DST: variants seen among roughly 807,000 people sequenced by gnomAD.
The protein encoded by DST is bullous pemphigoid antigen.
In DST, 253 loss-of-function variants were observed where a neutral mutation model predicts 875.2. That is an observed-to-expected ratio of 0.29 (90% CI 0.26 to 0.32). The LOEUF (loss-of-function observed/expected upper bound fraction) is 0.32. Ranked by LOEUF, DST falls within the 10% of genes least tolerant of loss-of-function variation. The pLI, the probability that DST is intolerant of heterozygous loss-of-function variation, is 1.00. For missense variants in DST, 8,287 were observed against 9,111.6 expected (o/e 0.91, Z 3.68); for synonymous variants, 3,124 against 3,197.1 (o/e 0.98, Z 0.77).
intron 3 of DST, among the ~76,000 whole-genome samples, chr6:56,889,227 A>T (rs1267969104): frequency 6.6e-6 from 1 of 152,222 alleles, no homozygotes; most frequent in African/African-American, 2.4e-5. Context: ...AATAATTCTC[A>T]CATCTTCCAT....
chr6:56,671,378 G>A (rs559802439), intron 9 of DST, among the ~76,000 whole-genome samples: 38 of 152,284 alleles, frequency 2.5e-4, no homozygotes, highest in Middle Eastern at 3.4e-3. Flanking sequence ...CAGGTATTCT[G>A]TGTAAAGAAC....
chr6:56,521,165 T>C (rs560886126), intron 69 of DST, among the ~76,000 whole-genome samples: 5 of 152,084 alleles, frequency 3.3e-5, no homozygotes, highest in Non-Finnish European at 7.4e-5. Flanking sequence ...AAGTGAAAGT[T>C]AGTCTTCTGT....
At chr6:56,589,662 C>T (rs535076365) in intron 49 of DST, among the ~76,000 whole-genome samples, 56 of 152,330 alleles carry the variant, frequency 3.7e-4, no homozygotes, top group South Asian at 1.0e-3. Context: ...GGCCTTGAGA[C>T]TGGTCCCAAA....
intron 2 of DST, among the ~76,000 whole-genome samples, chr6:56,950,985 T>C (rs1041243191): frequency 6.6e-6 from 1 of 152,148 alleles, no homozygotes; most frequent in Non-Finnish European, 1.5e-5. Flanking sequence ...GCTCCTCAGA[T>C]GAGGAAGGTG....
intron 4 of DST, among the ~76,000 whole-genome samples, chr6:56,822,014 G>T (rs1486972043): frequency 6.6e-6 from 1 of 152,148 alleles, no homozygotes; most frequent in Non-Finnish European, 1.5e-5. Context: ...GTATATTAAA[G>T]ACTTTGCGGA....
chr6:56,482,162 G>A lies in DST; in HGVS notation c.21419C>T (p.Ser7140Leu), dbSNP rs370202418. ...AALRQAEEFH[S>L]VVHALLEWLA... is the part of the protein sequence containing the mutation. The stretch of plus-strand genomic sequence containing the variant: ...CCACTCCAAGAGGGCATGTACCACC[G>A]AGTGGAATTCCTCTGCCTAAGAGTT... Residue 7140 changes from serine (S) to leucine (L), a missense_variant, in exon 90 of 104, where the codon TCG becomes TTG. Around this residue, in one of 10 missense-constraint regions of DST, gnomAD observed 1,292 missense variants for 1,552.7 expected, o/e 0.83. Transcript: ENST00000680361. 16 of 1,602,818 alleles carry A rather than the reference G, an allele frequency of 1.0e-5. No homozygotes were observed. Among genetic ancestry groups the A allele is most frequent in the African/African-American group, 8.1e-5 (6 of 74,440 alleles).
intron 49 of DST, among the ~76,000 whole-genome samples, chr6:56,585,981 C>G (rs1245859678): frequency 1.4e-5 from 1 of 69,032 alleles, no homozygotes; most frequent in Non-Finnish European, 4.0e-5. Context: ...AATTTCTGTT[C>G]TTTTACATTT....
chr6:56,954,379 C>A (rs371602025), intron 1 of DST, 28 bp downstream of exon 1: 1 of 1,353,208 alleles, frequency 7.4e-7, no homozygotes, highest in African/African-American at 1.5e-5. Flanking sequence ...CCTGGTAGCC[C>A]GCAGAAACCC....
chr6:56,745,737 C>T (rs2099570373), intron 4 of DST, among the ~76,000 whole-genome samples: 1 of 152,038 alleles, frequency 6.6e-6, no homozygotes, highest in Admixed American at 6.6e-5. Context: ...AGTAATAACT[C>T]CTATTAATTA....
chr6:56,629,333 C>T lies in DST; in HGVS notation c.4392G>A (p.Arg1464=). The change falls in exon 32 of 104, where the codon CGG becomes CGA. Residue 1464 remains arginine, a synonymous_variant. Coordinates refer to ENST00000680361, the MANE Select transcript of DST (RefSeq NM_001374736.1). ...SDEMFKTYKE[R]DLDFDWHKEK... ...CTTTGTGCCAGTCAAAATCAAGGTC[C>T]CGTTCTTTATACGTTTTAAACATTT... 1.2e-6 allele frequency: 2 copies of T among 1,613,706 alleles called. No homozygotes were observed. Among genetic ancestry groups the T allele is most frequent in the Non-Finnish European group, 1.7e-6 (2 of 1,179,786 alleles).
chr6:56,573,586 CCTT>C (rs2097812195), intron 51 of DST, 90 bp downstream of exon 51: 1 of 921,494 alleles, frequency 1.1e-6, no homozygotes, highest in African/African-American at 1.7e-5. Flanking sequence ...TTTTTTGTGT[CCTT>C]AAGTTTATCT....
chr6:56,607,033 C>G lies in DST; in HGVS notation c.7595G>C (p.Gly2532Ala). ...HNDKYISNTS[G>A]EDEKTHPGFQ... is the part of the protein sequence containing the mutation. Reference sequence around the variant, plus strand: ...ACCTGGATGTGTTTTTTCATCCTCACCAGAAGTATTTGAAATGTATTTATC... The same window carrying G: ...ACCTGGATGTGTTTTTTCATCCTCAGCAGAAGTATTTGAAATGTATTTATC... Residue 2532 changes from glycine (G) to alanine (A), a missense_variant, in exon 40 of 104, where the codon GGT (glycine) becomes GCT (alanine). Gly to Ala is a moderately conservative substitution (Grantham distance 60, BLOSUM62 0). Transcript: ENST00000680361. The G allele has an allele frequency of 1.2e-6, 2 of 1,613,350 alleles. No individual in the cohort carries two copies. The highest frequency in any genetic ancestry group is 1.7e-4 in the Middle Eastern group (1 of 6,060).
rs1243972268 is a variant in DST, at chr6:56,747,894, AAACAG to A, written c.626-12610_626-12606del. ...AATCACTACATATATGTAAGGACAT[AAACAG>A]AACAGTTTTCACTTTAAAAATCAAA... On this transcript the variant is annotated intron_variant, in intron 4 of 103. Coordinates refer to ENST00000680361, the MANE Select transcript of DST (RefSeq NM_001374736.1). 2.0e-5 allele frequency among the ~76,000 whole-genome samples: 3 copies of A among 152,130 alleles called. No individual in the cohort carries two copies. The South Asian group carries it at 6.2e-4, about 31-fold the overall frequency.
chr6:56,750,375 C>T (rs940460283), intron 4 of DST, among the ~76,000 whole-genome samples: 7 of 152,146 alleles, frequency 4.6e-5, no homozygotes, highest in African/African-American at 1.4e-4. Context: ...TTATAGTGAA[C>T]TCTTGCCTTG....
rs1165292376 is a variant in DST at position 56,577,147 on chromosome 6, G to C, written c.13027+1667C>G. 2.6e-5 allele frequency among the ~76,000 whole-genome samples: 4 copies of C among 152,138 alleles called. No individual in the cohort carries two copies. In the East Asian group the frequency reaches 7.7e-4, roughly 29 times the overall value. ...CTTAAATAGTTTCACATATTTCCTA[G>C]AAAATTATGCCAGAAGTTTTAGTTT... On this transcript the variant is annotated intron_variant, in intron 50 of 103. Coordinates refer to ENST00000680361, the MANE Select transcript of DST (RefSeq NM_001374736.1).
At chr6:56,779,044 T>G (rs1218399920) in intron 4 of DST, among the ~76,000 whole-genome samples, 2 of 152,098 alleles carry the variant, frequency 1.3e-5, no homozygotes, top group Non-Finnish European at 2.9e-5. Context: ...CTCCAGCACC[T>G]GTTGTCTCCT....
chr6:56,487,089 T>G lies in DST; in HGVS notation c.21047+15A>C. 6.2e-7 allele frequency: 1 copy of G among 1,613,304 alleles called. No individual in the cohort carries two copies. The highest frequency in any genetic ancestry group is 8.5e-7 in the Non-Finnish European group (1 of 1,179,492). On this transcript the variant is annotated intron_variant, in intron 87 of 103. Coordinates refer to ENST00000680361, the MANE Select transcript of DST (RefSeq NM_001374736.1). ...GGTCTACAGAGTAACCAAACTGTCTTAAAGAACATTTTACCTTTCCACAGA... is the reference window on the plus strand; with the variant it reads ...GGTCTACAGAGTAACCAAACTGTCTGAAAGAACATTTTACCTTTCCACAGA...
chr6:56,760,223 C>T lies in DST; in HGVS notation c.626-24934G>A, dbSNP rs144100300. ...TTTAATAGCAAATCCATAGAATGAA[C>T]TGCTAAGAAATGCCACATGATTAAG... is the stretch of plus-strand genomic sequence containing the variant. On this transcript the variant is annotated intron_variant, in intron 4 of 103. Transcript: ENST00000680361. 2.8e-3 allele frequency among the ~76,000 whole-genome samples: 426 copies of T among 152,264 alleles called. 1 individual carries two copies. The highest frequency in any genetic ancestry group is 9.5e-3 in the African/African-American group (393 of 41,552).
At chr6:56,474,044 C>A in intron 92 of DST, 42 bp from the exon 93 acceptor site, 1 of 1,529,552 alleles carries the variant, frequency 6.5e-7, no homozygotes, top group Non-Finnish European at 8.8e-7. Context: ...AGAGTTACTA[C>A]AGAAAACCGT....
Sources: allele counts gnomAD v4.1 joint callset (sites outside exome capture counted in the v4.1 genomes callset), GRCh38; gene constraint gnomAD v4.1.1; regional missense constraint gnomAD v4.1.1; transcripts MANE v1.5; gene names NCBI Gene and HGNC (gene_info 2026-07-23, HGNC 2026-07-21).